Variants in PGCKA1 observed in about 807,000 individuals in gnomAD.
PGCKA1 encodes PDCD10 and GCKIII kinases-associated protein 1.
chr4:37,572,069 T>TC, the PGCKA1 span, among the ~76,000 whole-genome samples: 1 of 111,714 alleles, frequency 9.0e-6, no homozygotes, highest in Admixed American at 8.0e-5. Context: ...TTTTCTTTTT[T>TC]TTTTTTTTTT....
the PGCKA1 span, among the ~76,000 whole-genome samples, chr4:37,576,680 G>C: frequency 6.6e-6 from 1 of 152,102 alleles, no homozygotes; most frequent in Non-Finnish European, 1.5e-5. Context: ...AAGGCTTTCA[G>C]TTTTTCCCCA....
the PGCKA1 span, among the ~76,000 whole-genome samples, chr4:37,552,847 C>A: frequency 6.6e-6 from 1 of 152,212 alleles, no homozygotes; most frequent in Admixed American, 6.5e-5. Context: ...GCCTATCATG[C>A]CATATTTGGT....
the PGCKA1 span, among the ~76,000 whole-genome samples, chr4:37,552,651 G>A: frequency 1.3e-5 from 2 of 152,120 alleles, no homozygotes; most frequent in Admixed American, 6.5e-5. Flanking sequence ...TCCTTCCTCT[G>A]GATTCCCTTT....
chr4:37,547,497 G>A, the PGCKA1 span, among the ~76,000 whole-genome samples: 1 of 152,162 alleles, frequency 6.6e-6, no homozygotes, highest in Non-Finnish European at 1.5e-5. Flanking sequence ...AAGGATTTAA[G>A]GGAGATTATA....
chr4:37,519,779 G>A, the PGCKA1 span, among the ~76,000 whole-genome samples: 1 of 152,102 alleles, frequency 6.6e-6, no homozygotes, highest in Non-Finnish European at 1.5e-5. Context: ...AATGGCTCTA[G>A]CTAGGACTTC....
chr4:37,521,690 C>A, the PGCKA1 span, among the ~76,000 whole-genome samples: 6 of 152,240 alleles, frequency 3.9e-5, no homozygotes, highest in East Asian at 5.8e-4. Context: ...CTGTAAATAT[C>A]TGTTAGATCC....
At chr4:37,461,497 G>A in the PGCKA1 span, among the ~76,000 whole-genome samples, 2 of 151,908 alleles carry the variant, frequency 1.3e-5, no homozygotes. Context: ...ATTTCCTTAA[G>A]CAGTGGTTTC....
the PGCKA1 span, among the ~76,000 whole-genome samples, chr4:37,491,245 C>T: frequency 2.6e-5 from 4 of 152,114 alleles, no homozygotes; most frequent in African/African-American, 9.7e-5. Flanking sequence ...ATTGACTTTC[C>T]GCTATGGAAG....
At chr4:37,530,611 A>C in the PGCKA1 span, among the ~76,000 whole-genome samples, 1 of 147,318 alleles carries the variant, frequency 6.8e-6, no homozygotes, top group Non-Finnish European at 1.5e-5. Context: ...CTTGGGAGCC[A>C]GGTAATACTC....
At chr4:37,553,488 ATATAT>A in the PGCKA1 span, among the ~76,000 whole-genome samples, 4 of 152,306 alleles carry the variant, frequency 2.6e-5, no homozygotes, top group African/African-American at 9.6e-5. Context: ...TTTTTGCATA[ATATAT>A]TGCTGAAATA....
the PGCKA1 span, among the ~76,000 whole-genome samples, chr4:37,456,087 T>G: frequency 6.6e-6 from 1 of 151,174 alleles, no homozygotes; most frequent in African/African-American, 2.5e-5. Flanking sequence ...TGGTCATTCT[T>G]TTTGGTCATT....
chr4:37,579,015 G>T, the PGCKA1 span, among the ~76,000 whole-genome samples: 1 of 152,080 alleles, frequency 6.6e-6, no homozygotes, highest in Non-Finnish European at 1.5e-5. Context: ...CCGAGATTGC[G>T]CCATTGCACT....
the PGCKA1 span, among the ~76,000 whole-genome samples, chr4:37,488,410 C>A: frequency 2.0e-5 from 3 of 152,042 alleles, no homozygotes; most frequent in African/African-American, 7.2e-5. Context: ...TCCATGTAGG[C>A]AACAACAACA....
the PGCKA1 span, among the ~76,000 whole-genome samples, chr4:37,481,050 A>G: frequency 1.3e-5 from 2 of 152,198 alleles, no homozygotes; most frequent in African/African-American, 4.8e-5. Context: ...TAGCTATCTA[A>G]TCCAGCATTT....
the PGCKA1 span, among the ~76,000 whole-genome samples, chr4:37,538,938 C>T: frequency 2.4e-4 from 37 of 152,266 alleles, no homozygotes; most frequent in African/African-American, 8.2e-4. Flanking sequence ...ATGTTAAACT[C>T]TAGAGAGAAT....
chr4:37,576,951 G>A, the PGCKA1 span, among the ~76,000 whole-genome samples: 22,604 of 151,964 alleles, frequency 0.15, 4,603 homozygotes, highest in African/African-American at 0.46. Flanking sequence ...CATAATGAAT[G>A]ATCTTTTTAA....
At chr4:37,469,078 C>T in the PGCKA1 span, among the ~76,000 whole-genome samples, 1 of 152,024 alleles carries the variant, frequency 6.6e-6, no homozygotes, top group Non-Finnish European at 1.5e-5. Context: ...TTTACAATTG[C>T]CTACAGTATT....
the PGCKA1 span, among the ~76,000 whole-genome samples, chr4:37,496,693 C>T: frequency 6.6e-6 from 1 of 152,176 alleles, no homozygotes; most frequent in African/African-American, 2.4e-5. Context: ...TTGCTTTGGA[C>T]AGTATGGCCA....
the PGCKA1 span, among the ~76,000 whole-genome samples, chr4:37,576,002 T>C: frequency 3.3e-5 from 5 of 152,316 alleles, no homozygotes; most frequent in Non-Finnish European, 5.9e-5. Context: ...ACTATATCTC[T>C]GTAGTGTAAT....
Sources: allele counts gnomAD v4.1 joint callset (sites outside exome capture counted in the v4.1 genomes callset), GRCh38; gene constraint gnomAD v4.1.1; transcripts MANE v1.5; gene names NCBI Gene and HGNC (gene_info 2026-07-23, HGNC 2026-07-21).